The following STX18 variants were observed in gnomAD, a reference collection of about 807,000 sequenced individuals.
The protein encoded by STX18 is syntaxin-18.
Under a neutral mutation model 50.1 loss-of-function variants are expected in STX18, and 40 were observed. That is an observed-to-expected ratio of 0.80 (90% CI 0.62 to 1.04). STX18 has a LOEUF of 1.04. Among genes scored for constraint, STX18 ranks in the 50% least tolerant of loss-of-function variants. The pLI is 0.00. For synonymous variants in STX18, 158 were observed against 151.8 expected (o/e 1.04, Z -0.30); for missense variants, 410 against 415.8 (o/e 0.99, Z 0.12).
Position 4,419,949 on chromosome 4 carries a change from C to T in STX18, c.*85G>A, listed in dbSNP as rs796865303. On this transcript the variant is annotated 3_prime_UTR_variant, in exon 11 of 11. Transcript: ENST00000306200. ...GGCACTGTGATAAAATCTGGTCATA[C>T]CATGCTCCAGCACTGGAAGTACATG... is the stretch of plus-strand genomic sequence containing the variant. 4.3e-6 allele frequency: 5 copies of T among 1,156,946 alleles called. No individual in the cohort carries two copies. The highest frequency in any genetic ancestry group is 1.5e-5 in the African/African-American group (1 of 65,272). 71.7% of individuals were successfully genotyped at this position (1,156,946 alleles called of 1,614,324 possible).
At chr4:4,461,974 C>T (rs1406017996) in intron 2 of STX18, 3 of 456,222 alleles carry the variant, frequency 6.6e-6, no homozygotes, top group Admixed American at 2.3e-5. Context: ...TCCCTGCTGT[C>T]TGTGCTCCAG....
chr4:4,428,883 G>T (rs1009211478), intron 7 of STX18, among the ~76,000 whole-genome samples: 2 of 152,196 alleles, frequency 1.3e-5, no homozygotes, highest in Non-Finnish European at 2.9e-5. Context: ...CTATGGAATT[G>T]CAAAGGAAGG....
chr4:4,533,382 A>G (rs1402256873), intron 1 of STX18, among the ~76,000 whole-genome samples: 2 of 152,212 alleles, frequency 1.3e-5, no homozygotes, highest in African/African-American at 4.8e-5. Flanking sequence ...CATGAATTCA[A>G]CAACCACATT....
chr4:4,537,848 T>C (rs1018019075), intron 1 of STX18, among the ~76,000 whole-genome samples: 11 of 152,212 alleles, frequency 7.2e-5, no homozygotes, highest in African/African-American at 2.6e-4. Flanking sequence ...TTCCATTCAG[T>C]ATGCAGTATT....
At chr4:4,436,795 C>T (rs1725802129) in intron 6 of STX18, among the ~76,000 whole-genome samples, 1 of 152,194 alleles carries the variant, frequency 6.6e-6, no homozygotes, top group Non-Finnish European at 1.5e-5. Context: ...ACCTCTCCTC[C>T]CACTGATGGG....
At chr4:4,511,947 G>A (rs914196321) in intron 1 of STX18, among the ~76,000 whole-genome samples, 2 of 151,968 alleles carry the variant, frequency 1.3e-5, no homozygotes, top group Admixed American at 1.3e-4. Context: ...CGGAGGTGGG[G>A]GTGTTTGTGG....
At chr4:4,530,288 T>C (rs1403006391) in intron 1 of STX18, among the ~76,000 whole-genome samples, 1 of 152,082 alleles carries the variant, frequency 6.6e-6, no homozygotes, top group Non-Finnish European at 1.5e-5. Flanking sequence ...GTCATTTCCA[T>C]GCCTAGAGTT....
chr4:4,462,947 C>G (rs1727456372), intron 2 of STX18, among the ~76,000 whole-genome samples: 1 of 152,226 alleles, frequency 6.6e-6, no homozygotes, highest in South Asian at 2.1e-4. Flanking sequence ...CACTGAAAAA[C>G]AGTGTGCAGG....
At chr4:4,542,114 T>A (rs1731640989), upstream of STX18, 1 of 1,037,766 alleles carries the variant, frequency 9.6e-7, no homozygotes, top group Non-Finnish European at 1.3e-6. Flanking sequence ...GCCTGCGCCC[T>A]GCTACCGCGG....
chr4:4,468,417 C>T (rs546405144), intron 2 of STX18, among the ~76,000 whole-genome samples: 5 of 152,188 alleles, frequency 3.3e-5, no homozygotes, highest in African/African-American at 7.2e-5. Flanking sequence ...GTCTACAACC[C>T]GGCCATTGCT....
chr4:4,526,923 C>T (rs114248746), intron 1 of STX18, among the ~76,000 whole-genome samples: 1,954 of 152,298 alleles, frequency 0.013, 37 homozygotes, highest in African/African-American at 0.044. Context: ...CACAGATTTT[C>T]AATCATTTAC....
chr4:4,525,744 G>A (rs554609210), intron 1 of STX18, among the ~76,000 whole-genome samples: 43 of 152,144 alleles, frequency 2.8e-4, no homozygotes, highest in African/African-American at 8.0e-4. Flanking sequence ...TAACACAATC[G>A]CAGCTGAAAG....
chr4:4,529,773 G>C (rs1411493489), intron 1 of STX18, among the ~76,000 whole-genome samples: 2 of 152,188 alleles, frequency 1.3e-5, no homozygotes, highest in African/African-American at 2.4e-5. Context: ...TGAAAGGATA[G>C]TCAAATAAAT....
At chr4:4,525,534 C>T (rs1730709791) in intron 1 of STX18, among the ~76,000 whole-genome samples, 1 of 152,168 alleles carries the variant, frequency 6.6e-6, no homozygotes, top group South Asian at 2.1e-4. Context: ...TGAATCCCTA[C>T]TATGGGCCAG....
intron 1 of STX18, among the ~76,000 whole-genome samples, chr4:4,472,310 T>C (rs1251361464): frequency 6.6e-6 from 1 of 152,206 alleles, no homozygotes; most frequent in Non-Finnish European, 1.5e-5. Flanking sequence ...AAGCACCTAC[T>C]ACATGCCAGG....
At chr4:4,447,396 T>C (rs1237268026) in intron 5 of STX18, among the ~76,000 whole-genome samples, 3 of 151,790 alleles carry the variant, frequency 2.0e-5, no homozygotes, top group Non-Finnish European at 1.5e-5. Flanking sequence ...GAGACCATCC[T>C]GGCTAACACG....
At chr4:4,491,838 T>C (rs1388595709) in intron 1 of STX18, among the ~76,000 whole-genome samples, 1 of 152,114 alleles carries the variant, frequency 6.6e-6, no homozygotes, top group Non-Finnish European at 1.5e-5. Context: ...GAACATATTT[T>C]AAAGTTTTTA....
chr4:4,528,687 A>T (rs577521648), intron 1 of STX18, among the ~76,000 whole-genome samples: 24 of 152,228 alleles, frequency 1.6e-4, no homozygotes, highest in Non-Finnish European at 3.1e-4. Flanking sequence ...CCCAGGTACT[A>T]GGAGAACTGC....
chr4:4,508,256 T>C (rs1729822463), intron 1 of STX18, among the ~76,000 whole-genome samples: 2 of 152,208 alleles, frequency 1.3e-5, no homozygotes, highest in South Asian at 2.1e-4. Flanking sequence ...AAGTATGTCA[T>C]ATGTGGACCT....
Sources: allele counts gnomAD v4.1 joint callset (sites outside exome capture counted in the v4.1 genomes callset), GRCh38; gene constraint gnomAD v4.1.1; transcripts MANE v1.5; gene names NCBI Gene and HGNC (gene_info 2026-07-23, HGNC 2026-07-21).